Variants in NAV2 observed in about 807,000 individuals in gnomAD.
The protein encoded by NAV2 is neuron navigator 2.
A neutral mutation model predicts 223.2 loss-of-function variants in NAV2; 54 were observed. That is an observed-to-expected ratio of 0.24 (90% confidence interval 0.19 to 0.30). NAV2 has a LOEUF of 0.30. Ranked by LOEUF, NAV2 falls within the 10% of genes least tolerant of loss-of-function variation. The pLI is 1.00. For missense variants in NAV2, 2,806 were observed against 3,147.5 expected (o/e 0.89, Z 2.60); for synonymous variants, 1,279 against 1,239.3 (o/e 1.03, Z -0.67).
At chr11:19,626,883 C>G (rs566244606) in intron 1 of NAV2, among the ~76,000 whole-genome samples, 1 of 152,156 alleles carries the variant, frequency 6.6e-6, no homozygotes, top group Non-Finnish European at 1.5e-5. Context: ...TTCTCTGACT[C>G]TGTTTTCTTA....
rs530938651 is a variant in NAV2 at position 19,939,005 on chromosome 11, C to T, written c.2034-656C>T. The stretch of plus-strand genomic sequence containing the variant: ...CCTGAATGAGCAGAGGTAGCTGTGA[C>T]AAGAAAACATTGCATGAAGCTGTTG... On this transcript the variant is annotated intron_variant, in intron 7 of 37. Coordinates refer to ENST00000349880, the MANE Select transcript of NAV2 (RefSeq NM_145117.5). Among the ~76,000 whole-genome samples, 25 of 152,274 alleles carry T rather than the reference C, an allele frequency of 1.6e-4. 2 individuals are homozygous for T. In the South Asian group the frequency reaches 5.2e-3, roughly 32 times the overall value.
chr11:19,409,906 C>T lies in NAV2; in HGVS notation c.75+58879C>T, dbSNP rs913379641. Among the ~76,000 whole-genome samples, 58 of 152,146 alleles carry T rather than the reference C, an allele frequency of 3.8e-4. 1 individual carries two copies. The highest frequency in any genetic ancestry group is 1.4e-3 in the African/African-American group (56 of 41,436). ...CCAGAGTTGGAGAGAAATGACTGAG[C>T]ACTCTGGGCTGAGACAGGCGGCTCA... is the stretch of plus-strand genomic sequence containing the variant. On this transcript the variant is annotated intron_variant, in intron 1 of 37. Coordinates refer to the NAV2 transcript ENST00000360655.
chr11:19,924,719 T>C (rs1019558935), intron 6 of NAV2, among the ~76,000 whole-genome samples: 2 of 152,224 alleles, frequency 1.3e-5, no homozygotes, highest in African/African-American at 4.8e-5. Context: ...TTTCTAGTCA[T>C]TGAGTTCAGT....
At chr11:20,003,775 C>T (rs2052785818) in intron 11 of NAV2, among the ~76,000 whole-genome samples, 1 of 152,206 alleles carries the variant, frequency 6.6e-6, no homozygotes, top group African/African-American at 2.4e-5. Flanking sequence ...AGCAGACCCT[C>T]ACCAGTCTCT....
intron 1 of NAV2, among the ~76,000 whole-genome samples, chr11:19,390,249 C>T (rs1849195658): frequency 6.6e-6 from 1 of 152,080 alleles, no homozygotes; most frequent in African/African-American, 2.4e-5. Flanking sequence ...TTTCTATACC[C>T]TCTCTGTGGC....
At chr11:20,009,882 C>G (rs971379816) in intron 11 of NAV2, among the ~76,000 whole-genome samples, 4 of 152,098 alleles carry the variant, frequency 2.6e-5, no homozygotes, top group African/African-American at 9.7e-5. Context: ...TTCTCTACCC[C>G]ACACCAAAGA....
At chr11:19,694,720 A>G (rs1257677856) in intron 1 of NAV2, among the ~76,000 whole-genome samples, 1 of 152,170 alleles carries the variant, frequency 6.6e-6, no homozygotes, top group Non-Finnish European at 1.5e-5. Flanking sequence ...TTTTAGAGCC[A>G]GCTTGGTTCA....
chr11:19,378,103 G>GCC (rs1848703438), intron 1 of NAV2, among the ~76,000 whole-genome samples: 1 of 152,188 alleles, frequency 6.6e-6, no homozygotes, highest in Non-Finnish European at 1.5e-5. Flanking sequence ...GCTTCTCAGA[G>GCC]CGTATGTATG....
chr11:19,355,985 AT>A (rs1853593576), intron 1 of NAV2, among the ~76,000 whole-genome samples: 1 of 152,200 alleles, frequency 6.6e-6, no homozygotes, highest in Non-Finnish European at 1.5e-5. Flanking sequence ...AGCTCCCCAG[AT>A]GAGCTGAAAT....
At chr11:19,754,390 G>A (rs768444395) in intron 1 of NAV2, among the ~76,000 whole-genome samples, 3 of 152,202 alleles carry the variant, frequency 2.0e-5, no homozygotes, top group Admixed American at 1.3e-4. Flanking sequence ...TAAAGGCTTC[G>A]TGCAGGAGGC....
At chr11:19,367,834 A>C (rs1048094705) in intron 1 of NAV2, among the ~76,000 whole-genome samples, 1 of 152,234 alleles carries the variant, frequency 6.6e-6, no homozygotes, top group Admixed American at 6.5e-5. Context: ...CTGAGTTCCC[A>C]GAAGATGCAT....
At chr11:19,676,855 C>A (rs114681872) in intron 1 of NAV2, among the ~76,000 whole-genome samples, 1 of 152,142 alleles carries the variant, frequency 6.6e-6, no homozygotes, top group African/African-American at 2.4e-5. Flanking sequence ...TCTCTTTTTA[C>A]GGGGATAAAA....
chr11:19,406,503 T>C (rs1310463022), intron 1 of NAV2, among the ~76,000 whole-genome samples: 3 of 152,158 alleles, frequency 2.0e-5, no homozygotes, highest in African/African-American at 7.2e-5. Context: ...GCCGAGGCCA[T>C]GGCTGTCTCT....
At chr11:19,839,326 G>T (rs1358178692) in intron 2 of NAV2, among the ~76,000 whole-genome samples, 1 of 152,188 alleles carries the variant, frequency 6.6e-6, no homozygotes, top group African/African-American at 2.4e-5. Flanking sequence ...AGCAAGGAAA[G>T]CAGGGAGCGA....
At chr11:19,817,633 G>T (rs1472824419) in intron 1 of NAV2, among the ~76,000 whole-genome samples, 1 of 152,198 alleles carries the variant, frequency 6.6e-6, no homozygotes, top group Admixed American at 6.5e-5. Flanking sequence ...AAGGAGGGAG[G>T]GGGTGGCCAA....
intron 4 of NAV2, among the ~76,000 whole-genome samples, chr11:19,877,470 C>CTTTTTTTTTTTTTTCTTTTTTCT (rs1555114909): frequency 8.5e-5 from 7 of 82,600 alleles, no homozygotes; most frequent in East Asian, 3.3e-4. Flanking sequence ...TATCTTCATT[C>CTTTTTTTTTTTTTTCTTTTTTCT]TTTTTTTTTT....
At chr11:19,817,988 C>T (rs370751459) in intron 1 of NAV2, among the ~76,000 whole-genome samples, 458 of 148,716 alleles carry the variant, frequency 3.1e-3, no homozygotes, top group African/African-American at 0.011. Flanking sequence ...TCCAAGCCTT[C>T]TTGCCCACCC....
intron 11 of NAV2, among the ~76,000 whole-genome samples, chr11:20,016,838 C>CAAAA (rs34115097): frequency 2.5e-4 from 37 of 145,500 alleles, no homozygotes; most frequent in East Asian, 1.8e-3. Flanking sequence ...TACTAAAATA[C>CAAAA]AAAAAAAAAA....
chr11:19,856,890 G>A (rs1057377806), intron 3 of NAV2, among the ~76,000 whole-genome samples: 4 of 152,170 alleles, frequency 2.6e-5, no homozygotes, highest in South Asian at 2.1e-4. Flanking sequence ...ACACACTATC[G>A]TTGGAATTTC....
Sources: gnomAD v4.1 joint callset for allele counts (sites outside exome capture counted in the v4.1 genomes callset) on GRCh38, gnomAD v4.1.1 for gene constraint, MANE v1.5 for transcripts, NCBI Gene and HGNC (gene_info 2026-07-23, HGNC 2026-07-21) for gene names.